Variants in FSHR observed in about 807,000 individuals in gnomAD.
FSHR encodes follicle stimulating hormone receptor.
A neutral mutation model predicts 52.1 loss-of-function variants in FSHR; 46 were observed. The ratio of observed to expected loss-of-function variants is 0.88; its 90% CI spans 0.70 to 1.13. FSHR has a LOEUF of 1.13. Ranked by LOEUF, FSHR falls within the 50% of genes most tolerant of loss-of-function variation. The pLI, the probability that FSHR is intolerant of heterozygous loss-of-function variation, is 0.00. For missense variants in FSHR, 964 were observed against 834.6 expected (o/e 1.16, Z -1.91); for synonymous variants, 399 against 309.6 (o/e 1.29, Z -3.03).
intron 2 of FSHR, among the ~76,000 whole-genome samples, chr2:49,034,301 C>G (rs147547534): frequency 7.4e-4 from 112 of 152,298 alleles, no homozygotes; most frequent in Non-Finnish European, 1.1e-3. Context: ...CTTGGATTTT[C>G]AGAGTATTGC....
At chr2:49,144,480 T>G (rs1184920266) in intron 1 of FSHR, among the ~76,000 whole-genome samples, 2 of 152,164 alleles carry the variant, frequency 1.3e-5, no homozygotes, top group Non-Finnish European at 2.9e-5. Flanking sequence ...CAGCAGATTT[T>G]CACAATCAGG....
chr2:49,000,503 T>C (rs1666830441), intron 4 of FSHR, among the ~76,000 whole-genome samples: 1 of 152,190 alleles, frequency 6.6e-6, no homozygotes, highest in Non-Finnish European at 1.5e-5. Context: ...GTGTAGCCAA[T>C]GTCATAGTTG....
chr2:48,999,467 G>T (rs1175435683), intron 4 of FSHR, among the ~76,000 whole-genome samples: 1 of 152,060 alleles, frequency 6.6e-6, no homozygotes, highest in Non-Finnish European at 1.5e-5. Flanking sequence ...TTCATTATGA[G>T]AGTTGCCCAA....
intron 2 of FSHR, among the ~76,000 whole-genome samples, chr2:49,066,384 AAGG>A (rs1273117627): frequency 6.6e-6 from 1 of 152,024 alleles, no homozygotes; most frequent in African/African-American, 2.4e-5. Flanking sequence ...TAGGTCTGGA[AAGG>A]AGATGAGAAT....
chr2:48,983,116 C>G lies in FSHR; in HGVS notation c.575G>C (p.Gly192Ala). The G allele has an allele frequency of 6.2e-7, 1 of 1,614,010 alleles. No homozygotes were observed. Among genetic ancestry groups the G allele is most frequent in the South Asian group, 1.1e-5 (1 of 91,068 alleles). The change falls in exon 7 of 10, where the codon GGA becomes GCA. Residue 192 changes from glycine (G) to alanine (A), a missense_variant. By Grantham distance (60) the Gly-to-Ala change is moderately conservative. Coordinates refer to ENST00000406846, the MANE Select transcript of FSHR (RefSeq NM_000145.4). Reference protein sequence around the residue: ...IQEIHNCAFNGTQLDELNLSD... With the variant: ...IQEIHNCAFNATQLDELNLSD... Reference sequence around the variant, plus strand: ...TACTTACAGCTCATCTAGTTGGGTTCCATTGAATGCACAGTTGTGTATTTC... The same window carrying G: ...TACTTACAGCTCATCTAGTTGGGTTGCATTGAATGCACAGTTGTGTATTTC...
Position 48,962,951 on chromosome 2 carries a change from A to G in FSHR, c.1870T>C (p.Phe624Leu), listed in dbSNP as rs751470375. Residue 624 changes from phenylalanine (F) to leucine (L), a missense_variant, in exon 10 of 10, where the codon TTC becomes CTC. Coordinates refer to ENST00000406846, the MANE Select transcript of FSHR (RefSeq NM_000145.4). ...FHPINSCANP[F>L]LYAIFTKNFR... ...TTTTTGGTAAAGATGGCATAGAGGAAGGGGTTGGCACAGGAGTTGATGGGG... is the reference window on the plus strand; with the variant it reads ...TTTTTGGTAAAGATGGCATAGAGGAGGGGGTTGGCACAGGAGTTGATGGGG... The G allele has an allele frequency of 7.4e-6, 12 of 1,614,048 alleles. No individual in the cohort carries two copies. Among genetic ancestry groups the G allele is most frequent in the South Asian group, 2.2e-5 (2 of 91,094 alleles).
At chr2:49,036,973 A>G (rs1301739957) in intron 2 of FSHR, among the ~76,000 whole-genome samples, 1 of 152,238 alleles carries the variant, frequency 6.6e-6, no homozygotes, top group Non-Finnish European at 1.5e-5. Context: ...CAAAAAACCA[A>G]GGAAAAATTT....
chr2:49,052,032 C>T (rs1378749921), intron 2 of FSHR, among the ~76,000 whole-genome samples: 4 of 151,968 alleles, frequency 2.6e-5, no homozygotes, highest in Admixed American at 2.6e-4. Flanking sequence ...TTTTATAATA[C>T]AGGTAGAACA....
At chr2:49,007,142 C>A (rs1667101315) in intron 4 of FSHR, among the ~76,000 whole-genome samples, 1 of 152,086 alleles carries the variant, frequency 6.6e-6, no homozygotes, top group Admixed American at 6.6e-5. Flanking sequence ...CACATGGCTA[C>A]CATAACTTCT....
At chr2:49,093,499 C>T (rs1042789591) in intron 1 of FSHR, among the ~76,000 whole-genome samples, 2 of 152,066 alleles carry the variant, frequency 1.3e-5, no homozygotes, top group Admixed American at 6.6e-5. Context: ...ATTAATATAG[C>T]CACTACAGCT....
At chr2:49,102,176 G>A (rs980778036) in intron 1 of FSHR, among the ~76,000 whole-genome samples, 2 of 152,078 alleles carry the variant, frequency 1.3e-5, no homozygotes, top group African/African-American at 4.8e-5. Flanking sequence ...TTATATTTCT[G>A]GCTATTTGCC....
chr2:49,141,434 C>A (rs543333816), intron 1 of FSHR, among the ~76,000 whole-genome samples: 1 of 152,000 alleles, frequency 6.6e-6, no homozygotes, highest in Admixed American at 6.6e-5. Context: ...AGGAATCCCA[C>A]GTGGCAGAGC....
intron 1 of FSHR, among the ~76,000 whole-genome samples, chr2:49,089,256 T>A (rs1670510963): frequency 6.6e-6 from 1 of 152,176 alleles, no homozygotes; most frequent in South Asian, 2.1e-4. Flanking sequence ...ATTTCCTCTG[T>A]AGGGATGGAA....
chr2:49,040,338 C>T (rs1017535904), intron 2 of FSHR, among the ~76,000 whole-genome samples: 1 of 152,108 alleles, frequency 6.6e-6, no homozygotes, highest in African/African-American at 2.4e-5. Flanking sequence ...AGAAGAGTAC[C>T]TCCCTATCCT....
Position 49,088,835 on chromosome 2 carries a change from C to A in FSHR, c.153-20545G>T, listed in dbSNP as rs1192915761. 7.9e-5 allele frequency among the ~76,000 whole-genome samples: 11 copies of A among 139,348 alleles called. No homozygotes were observed. In the East Asian group the frequency reaches 2.0e-3, roughly 25 times the overall value. The allele number at this position is 139,348 out of a possible 152,430, so 91.4% of individuals were successfully genotyped here. ...GTCACAAGGAAAGCTGATCACTACTCCATGAACCAAAAAGATAAATTTAGG... is the reference window on the plus strand; with the variant it reads ...GTCACAAGGAAAGCTGATCACTACTACATGAACCAAAAAGATAAATTTAGG... On this transcript the variant is annotated intron_variant, in intron 1 of 9. Coordinates refer to ENST00000406846, the MANE Select transcript of FSHR (RefSeq NM_000145.4).
intron 1 of FSHR, among the ~76,000 whole-genome samples, chr2:49,128,824 C>T (rs950862351): frequency 6.6e-6 from 1 of 152,040 alleles, no homozygotes; most frequent in African/African-American, 2.4e-5. Context: ...GGATAGGAAA[C>T]TCCTTAATCT....
chr2:49,076,734 C>A (rs185127916), intron 1 of FSHR, among the ~76,000 whole-genome samples: 1 of 152,290 alleles, frequency 6.6e-6, no homozygotes, highest in South Asian at 2.1e-4. Context: ...TACCTAGATA[C>A]AATGGGGTAG....
intron 2 of FSHR, among the ~76,000 whole-genome samples, chr2:49,035,614 C>A (rs1215218701): frequency 6.6e-6 from 1 of 152,144 alleles, no homozygotes; most frequent in Admixed American, 6.5e-5. Context: ...CCTATGAGAT[C>A]ATCATATTAT....
intron 4 of FSHR, among the ~76,000 whole-genome samples, chr2:49,001,156 T>C (rs1016994659): frequency 2.0e-5 from 3 of 152,122 alleles, no homozygotes; most frequent in Non-Finnish European, 4.4e-5. Flanking sequence ...TAATGGTTAA[T>C]ACTCACCTAT....
Sources: allele counts gnomAD v4.1 joint callset (sites outside exome capture counted in the v4.1 genomes callset), GRCh38; gene constraint gnomAD v4.1.1; transcripts MANE v1.5; gene names NCBI Gene and HGNC (gene_info 2026-07-23, HGNC 2026-07-21).